PRKN: variants seen among roughly 807,000 people sequenced by gnomAD.
The protein encoded by PRKN is E3 ubiquitin-protein ligase parkin.
In PRKN, 56 loss-of-function variants were observed where a neutral mutation model predicts 59.5. The ratio of observed to expected loss-of-function variants is 0.94; its 90% CI spans 0.76 to 1.18. The LOEUF (loss-of-function observed/expected upper bound fraction) is 1.18, where lower values mean the gene tolerates loss of function less well. PRKN is among the 50% of genes most tolerant of loss of function. PRKN has a pLI of 0.00. For synonymous variants in PRKN, 250 were observed against 222.1 expected, an observed-to-expected ratio of 1.13 and a Z score of -1.12; for missense variants, 657 against 596.4, an observed-to-expected ratio of 1.10 and a Z score of -1.06.
chr6:161,758,979 C>A (rs954864289), intron 7 of PRKN, among the ~76,000 whole-genome samples: 4 of 152,070 alleles, frequency 2.6e-5, no homozygotes, highest in African/African-American at 9.7e-5. Flanking sequence ...GAGTTCAAGA[C>A]CAGCCTGGCC....
chr6:162,058,269 A>G (rs1242741171), intron 4 of PRKN, among the ~76,000 whole-genome samples: 2 of 152,134 alleles, frequency 1.3e-5, no homozygotes, highest in Non-Finnish European at 2.9e-5. Flanking sequence ...TTTCATCTGC[A>G]TGTATCCCTG....
chr6:161,450,079 T>G (rs889342004), intron 9 of PRKN, among the ~76,000 whole-genome samples: 6 of 152,198 alleles, frequency 3.9e-5, no homozygotes, highest in Non-Finnish European at 8.8e-5. Context: ...CATGGGGAAC[T>G]GAAAATAAAC....
intron 5 of PRKN, among the ~76,000 whole-genome samples, chr6:162,010,268 T>C (rs1342700919): frequency 1.5e-5 from 2 of 129,364 alleles, no homozygotes; most frequent in Non-Finnish European, 1.6e-5. Flanking sequence ...ATATTTTATA[T>C]ATATTATGTA....
At chr6:161,539,467 C>T (rs1175660926) in intron 9 of PRKN, among the ~76,000 whole-genome samples, 1 of 150,104 alleles carries the variant, frequency 6.7e-6, no homozygotes, top group Admixed American at 6.7e-5. Context: ...TTTCTGTGCC[C>T]TCGGTCTCTG....
At chr6:162,474,762 T>C (rs991930577) in intron 1 of PRKN, among the ~76,000 whole-genome samples, 1 of 152,150 alleles carries the variant, frequency 6.6e-6, no homozygotes, top group African/African-American at 2.4e-5. Context: ...AGACTCTGAA[T>C]ATCAAGTGAT....
In PRKN at chr6:161,350,925, TA is replaced by T. The variant is rs1185356454; in HGVS notation, c.1286-715del. On this transcript the variant is annotated intron_variant, in intron 11 of 11. Transcript: ENST00000366898. ...TAAATATATTTTATATATTTATATT[TA>T]AAATATATATAAATATATTTTATAT... Among the ~76,000 whole-genome samples, 189 of 90,734 alleles carry T rather than the reference TA, an allele frequency of 2.1e-3. 8 individuals are homozygous for T. Among genetic ancestry groups the T allele is most frequent in the African/African-American group, 8.5e-3 (173 of 20,356 alleles). 59.5% of individuals were successfully genotyped at this position (90,734 alleles called of 152,430 possible).
chr6:162,306,863 C>T (rs1782252260), intron 2 of PRKN, among the ~76,000 whole-genome samples: 1 of 152,204 alleles, frequency 6.6e-6, no homozygotes, highest in Non-Finnish European at 1.5e-5. Context: ...AGGCCCAGCA[C>T]ATCCACTCCA....
chr6:162,370,923 T>C (rs1785730717), intron 2 of PRKN, among the ~76,000 whole-genome samples: 1 of 152,174 alleles, frequency 6.6e-6, no homozygotes, highest in African/African-American at 2.4e-5. Context: ...GTACTGAGCA[T>C]GGAACGCAGC....
chr6:161,838,108 A>G (rs933663919), intron 6 of PRKN, among the ~76,000 whole-genome samples: 3 of 152,246 alleles, frequency 2.0e-5, no homozygotes, highest in African/African-American at 7.2e-5. Flanking sequence ...TTGTTACATG[A>G]CTGCTAAAAG....
At chr6:162,514,078 T>C (rs2128191308) in intron 1 of PRKN, among the ~76,000 whole-genome samples, 1 of 151,996 alleles carries the variant, frequency 6.6e-6, no homozygotes, top group South Asian at 2.1e-4. Flanking sequence ...AAAATTAACC[T>C]AAAAACTAAA....
rs1421541463 is a variant in PRKN, at chr6:161,816,068, GT to G, written c.735-30161del. On this transcript the variant is annotated intron_variant, in intron 6 of 11. Coordinates refer to ENST00000366898, the MANE Select transcript of PRKN (RefSeq NM_004562.3). ...GTACACAAATGCTCCTGGCAGCTCT[GT>G]TTGAAATAGCCCCAAACAGGAAGCC... Among the ~76,000 whole-genome samples, 4 of 151,900 alleles carry G rather than the reference GT, an allele frequency of 2.6e-5. No individual in the cohort carries two copies. The East Asian group carries it at 5.8e-4, about 22-fold the overall frequency.
chr6:162,393,152 A>ATTTTTTTTTTTTTTTTTT (rs1369959830), intron 2 of PRKN, among the ~76,000 whole-genome samples: 67 of 78,008 alleles, frequency 8.6e-4, no homozygotes, highest in Admixed American at 1.3e-3. Context: ...AGGATAGGAG[A>ATTTTTTTTTTTTTTTTTT]TTCTTTTTTT....
In PRKN at chr6:161,409,429, C is replaced by T. The variant is rs1787424659; in HGVS notation, c.1084-22552G>A. Among the ~76,000 whole-genome samples the T allele has an allele frequency of 6.6e-6, 1 of 152,150 alleles. No individual in the cohort carries two copies. Among genetic ancestry groups the T allele is most frequent in the Non-Finnish European group, 1.5e-5 (1 of 68,036 alleles). On this transcript the variant is annotated intron_variant, in intron 9 of 11. Coordinates refer to ENST00000366898, the MANE Select transcript of PRKN (RefSeq NM_004562.3). This position sits in a 1 kb window ranked among gnomAD's most constrained non-coding sequence, Gnocchi z 4.6. ...GAAATTACCAAATGGCACACAAAAA[C>T]GCAGTGTGCTGACACTAATACATAA...
intron 5 of PRKN, among the ~76,000 whole-genome samples, chr6:162,000,437 G>T (rs190986582): frequency 6.6e-6 from 1 of 151,888 alleles, no homozygotes; most frequent in Non-Finnish European, 1.5e-5. Context: ...ATGCTTACTT[G>T]CCATGTTTAT....
In PRKN at chr6:161,350,129, G is replaced by C. The variant is rs1232210138; in HGVS notation, c.1368C>G (p.Val456=). 7 of 1,613,426 alleles carry C rather than the reference G, an allele frequency of 4.3e-6. No homozygotes were observed. Among genetic ancestry groups the C allele is most frequent in the Non-Finnish European group, 5.9e-6 (7 of 1,179,876 alleles). ...CGTCGAACCAGTGGTCCCCCATGCA[G>C]ACGCGGTTCCACTCGCAGCCACAGT... ...CWNCGCEWNR[V]CMGDHWFDV Residue 456 remains valine, a synonymous_variant, in exon 12 of 12, where the codon GTC becomes GTG. Transcript: ENST00000366898.
At position 162,357,719 on chromosome 6, in the gene PRKN, G is replaced by T. The variant is rs140117335; in HGVS notation, c.171+85591C>A. Among the ~76,000 whole-genome samples the T allele has an allele frequency of 2.4e-3, 369 of 152,228 alleles. 1 individual carries two copies. Among genetic ancestry groups the T allele is most frequent in the African/African-American group, 8.6e-3 (356 of 41,530 alleles). On this transcript the variant is annotated intron_variant, in intron 2 of 11. Transcript: ENST00000366898. ...CAAACTCTGGTTTATCCTTACAATA[G>T]AATATTATGCAGCAATAAAAAGAAT...
intron 4 of PRKN, among the ~76,000 whole-genome samples, chr6:162,085,544 T>A (rs1485452371): frequency 6.6e-6 from 1 of 152,116 alleles, no homozygotes; most frequent in Non-Finnish European, 1.5e-5. Flanking sequence ...AGAGCAGATA[T>A]TTGACAAAGA....
In PRKN at chr6:161,419,481, G is replaced by T. The variant is rs528958794; in HGVS notation, c.1084-32604C>A. 6.6e-6 allele frequency among the ~76,000 whole-genome samples: 1 copy of T among 152,088 alleles called. No homozygotes were observed. Among genetic ancestry groups the T allele is most frequent in the South Asian group, 2.1e-4 (1 of 4,816 alleles). ...TGGCTCACTGCAACCTCCACCTCCT[G>T]GGTTCAAGCAATTCCCCTGCCTCAG... On this transcript the variant is annotated intron_variant, in intron 9 of 11. Transcript: ENST00000366898. The surrounding 1 kb of genome is among the most constrained non-coding windows in gnomAD (Gnocchi z 4.1).
In PRKN at chr6:161,560,162, T is replaced by C. The variant is rs534150103; in HGVS notation, c.933+9193A>G. The stretch of plus-strand genomic sequence containing the variant: ...TCCATGCTTCCCTCTCTCCTAAGCC[T>C]TTTTTCTGTGTCCCCTGAAATTCCT... On this transcript the variant is annotated intron_variant, in intron 8 of 11. Transcript: ENST00000366898. The surrounding 1 kb of genome is among the most constrained non-coding windows in gnomAD (Gnocchi z 4.9). Among the ~76,000 whole-genome samples, 2 of 152,282 alleles carry C rather than the reference T, an allele frequency of 1.3e-5. No individual in the cohort carries two copies. The highest frequency in any genetic ancestry group is 4.1e-4 in the South Asian group (2 of 4,820).
Sources: allele counts gnomAD v4.1 joint callset (sites outside exome capture counted in the v4.1 genomes callset), GRCh38; gene constraint gnomAD v4.1.1; non-coding constraint Gnocchi (gnomAD v3.1); transcripts MANE v1.5; gene names NCBI Gene and HGNC (gene_info 2026-07-23, HGNC 2026-07-21).